Variants in CMIP observed in about 807,000 individuals in gnomAD.
CMIP encodes C-Maf-inducing protein.
A neutral mutation model predicts 97.3 loss-of-function variants in CMIP; 13 were observed. The observed-to-expected ratio is 0.13, with a 90% CI of 0.09 to 0.21. CMIP has a LOEUF of 0.21. Ranked by LOEUF, CMIP falls within the 10% of genes least tolerant of loss-of-function variation. The pLI, the probability that CMIP is intolerant of heterozygous loss-of-function variation, is 1.00. For missense variants in CMIP, 847 were observed against 1,024.9 expected, an observed-to-expected ratio of 0.83 and a Z score of 2.37; for synonymous variants, 538 against 436.3, an observed-to-expected ratio of 1.23 and a Z score of -2.91.
At chr16:81,450,064 C>T (rs1476919254) in intron 1 of CMIP, among the ~76,000 whole-genome samples, 1 of 152,176 alleles carries the variant, frequency 6.6e-6, no homozygotes, top group Non-Finnish European at 1.5e-5. Flanking sequence ...GCCCTGCCTG[C>T]TCCTTAGTGT....
chr16:81,620,683 C>T, intron 2 of CMIP, 193 bp from the exon 3 acceptor site: 1 of 591,336 alleles, frequency 1.7e-6, no homozygotes, highest in Non-Finnish European at 3.0e-6. Context: ...AGGAAATCCT[C>T]CCTGACCAGC....
intron 1 of CMIP, among the ~76,000 whole-genome samples, chr16:81,474,600 T>A (rs918725535): frequency 2.0e-5 from 3 of 152,182 alleles, no homozygotes; most frequent in Admixed American, 1.3e-4. Flanking sequence ...GCCCCTGGTG[T>A]CTTCTTACTG....
intron 1 of CMIP, among the ~76,000 whole-genome samples, chr16:81,561,104 G>A (rs890499460): frequency 2.6e-5 from 4 of 152,166 alleles, no homozygotes; most frequent in African/African-American, 7.2e-5. Context: ...ACAGGCACAT[G>A]CCACCACGCT....
At chr16:81,530,635 C>G (rs2090215114) in intron 1 of CMIP, among the ~76,000 whole-genome samples, 1 of 152,098 alleles carries the variant, frequency 6.6e-6, no homozygotes, top group African/African-American at 2.4e-5. Flanking sequence ...AGCAGAGCCT[C>G]TCCCGCCCGC....
rs745806792 is a variant in CMIP, at chr16:81,678,508, A to T, written c.1268A>T (p.Asp423Val). The change falls in exon 10 of 21, where the codon GAC becomes GTC. Residue 423 changes from aspartate to valine, a missense_variant. Asp to Val is a radical substitution (Grantham distance 152). Coordinates refer to ENST00000537098, the MANE Select transcript of CMIP (RefSeq NM_198390.3). ...KPALTASAGN[D>V]SEPNLIDCLM... ...GCGCTGACGGCCAGCGCAGGCAACG[A>T]CAGCGAGCCCAACCTCATCGACTGC... The T allele has an allele frequency of 6.2e-7, 1 of 1,602,182 alleles. No homozygotes were observed. The highest frequency in any genetic ancestry group is 1.3e-5 in the African/African-American group (1 of 74,766).
intron 1 of CMIP, among the ~76,000 whole-genome samples, chr16:81,477,052 C>G (rs914821951): frequency 5.3e-5 from 8 of 152,026 alleles, no homozygotes; most frequent in African/African-American, 9.7e-5. Flanking sequence ...ATTCATGCCG[C>G]GTTGAGCTGA....
At chr16:81,487,478 A>G (rs988179503) in intron 1 of CMIP, among the ~76,000 whole-genome samples, 1 of 152,184 alleles carries the variant, frequency 6.6e-6, no homozygotes, top group African/African-American at 2.4e-5. Context: ...GTGGCCTGCC[A>G]AGCGGGCCGG....
chr16:81,612,426 G>A (rs1366333703), intron 2 of CMIP, among the ~76,000 whole-genome samples: 1 of 152,160 alleles, frequency 6.6e-6, no homozygotes, highest in South Asian at 2.1e-4. Flanking sequence ...TGGCAGCAGG[G>A]CAGGGACGGG....
intron 1 of CMIP, among the ~76,000 whole-genome samples, chr16:81,570,655 G>A (rs932943256): frequency 2.6e-5 from 4 of 152,118 alleles, no homozygotes; most frequent in African/African-American, 9.7e-5. Flanking sequence ...ATGGCCTGAG[G>A]AAAGGCTCTC....
chr16:81,508,743 A>T (rs1188425210), intron 1 of CMIP, among the ~76,000 whole-genome samples: 1 of 152,204 alleles, frequency 6.6e-6, no homozygotes, highest in Non-Finnish European at 1.5e-5. Context: ...AGATCTCAGG[A>T]CAGCTCCTGC....
intron 1 of CMIP, among the ~76,000 whole-genome samples, chr16:81,454,345 C>T (rs537147636): frequency 1.3e-5 from 2 of 152,284 alleles, no homozygotes; most frequent in Non-Finnish European, 1.5e-5. Flanking sequence ...AGTTTAGTGT[C>T]AAAGCCAGGT....
chr16:81,573,364 A>AG (rs2091131299), intron 1 of CMIP, among the ~76,000 whole-genome samples: 2 of 151,632 alleles, frequency 1.3e-5, no homozygotes. Flanking sequence ...AAAAAAAAAA[A>AG]GGCATGTTTT....
chr16:81,589,299 G>C (rs1441710443), intron 1 of CMIP, among the ~76,000 whole-genome samples: 1 of 152,022 alleles, frequency 6.6e-6, no homozygotes, highest in East Asian at 1.9e-4. Flanking sequence ...GTTTCTCCAT[G>C]TTACCCTGGC....
chr16:81,528,475 G>C (rs150318607), intron 1 of CMIP, among the ~76,000 whole-genome samples: 7 of 152,320 alleles, frequency 4.6e-5, no homozygotes, highest in Non-Finnish European at 1.0e-4. Flanking sequence ...GACCAGAGGT[G>C]GAGCGTGGAG....
intron 3 of CMIP, among the ~76,000 whole-genome samples, chr16:81,629,778 C>G (rs1011381992): frequency 6.6e-6 from 1 of 152,264 alleles, no homozygotes; most frequent in Non-Finnish European, 1.5e-5. Flanking sequence ...TTCCTAATGG[C>G]TGCAGAATCG....
intron 1 of CMIP, among the ~76,000 whole-genome samples, chr16:81,602,597 C>T (rs888289432): frequency 7.9e-5 from 12 of 152,346 alleles, no homozygotes; most frequent in African/African-American, 2.9e-4. Flanking sequence ...CCCGCCCCAG[C>T]GGCTGGCAAC....
chr16:81,605,514 C>T (rs1567606278), intron 1 of CMIP, among the ~76,000 whole-genome samples: 1 of 152,056 alleles, frequency 6.6e-6, no homozygotes, highest in Non-Finnish European at 1.5e-5. Flanking sequence ...CCTGCAAACC[C>T]CTGGGAGGAA....
intron 1 of CMIP, among the ~76,000 whole-genome samples, chr16:81,551,962 G>A (rs1190416882): frequency 1.3e-5 from 2 of 152,212 alleles, no homozygotes; most frequent in African/African-American, 2.4e-5. Context: ...GTTCCCCACC[G>A]GCAGTGTGCA....
chr16:81,679,889 C>T (rs575269152), intron 10 of CMIP, among the ~76,000 whole-genome samples: 1 of 152,206 alleles, frequency 6.6e-6, no homozygotes, highest in Admixed American at 6.5e-5. Flanking sequence ...TTCTGCCCCC[C>T]ACAGAGCCAT....
Sources: allele counts gnomAD v4.1 joint callset (sites outside exome capture counted in the v4.1 genomes callset), GRCh38; gene constraint gnomAD v4.1.1; transcripts MANE v1.5; gene names NCBI Gene and HGNC (gene_info 2026-07-23, HGNC 2026-07-21).